MROH9: variants seen among roughly 807,000 people sequenced by gnomAD.
The protein encoded by MROH9 is maestro heat like repeat family member 9, also known as maestro heat-like repeat-containing protein family member 9.
MROH9 carries 92 observed loss-of-function variants against 98.2 expected under a neutral mutation model. The observed-to-expected ratio is 0.94, with a 90% confidence interval of 0.79 to 1.11. The LOEUF (loss-of-function observed/expected upper bound fraction) is 1.11, where lower values mean the gene tolerates loss of function less well. MROH9 is among the 50% of genes most tolerant of loss of function. The pLI is 0.00. For missense variants in MROH9, 1,057 were observed against 1,014.8 expected (o/e 1.04, Z -0.57); for synonymous variants, 397 against 368.9 (o/e 1.08, Z -0.87).
chr1:171,059,734 A>G lies in MROH9; in HGVS notation c.2282-2398A>G, dbSNP rs1477750534. Among the ~76,000 whole-genome samples, 4 of 152,206 alleles carry G rather than the reference A, an allele frequency of 2.6e-5. No individual in the cohort carries two copies. In the East Asian group the frequency reaches 5.8e-4, roughly 22 times the overall value. On this transcript the variant is annotated intron_variant, in intron 20 of 21. Transcript: ENST00000367759. ...ATGAGATCATGTCCTTTGCAGGGAC[A>G]TGGACGAAGATGGAAGCCATCATCC... is the stretch of plus-strand genomic sequence containing the variant.
chr1:170,960,319 A>C (rs1649971068), intron 5 of MROH9, among the ~76,000 whole-genome samples: 1 of 152,216 alleles, frequency 6.6e-6, no homozygotes, highest in Non-Finnish European at 1.5e-5. Context: ...GGATACCCAG[A>C]GATACTTTTA....
intron 1 of MROH9, among the ~76,000 whole-genome samples, chr1:170,936,628 G>A (rs115213781): frequency 3.9e-5 from 6 of 152,242 alleles, no homozygotes; most frequent in Admixed American, 2.0e-4. Flanking sequence ...GAGTTCCCAC[G>A]TTGAAAATTT....
At chr1:171,004,814 G>A (rs1257130587) in intron 15 of MROH9, among the ~76,000 whole-genome samples, 5 of 151,910 alleles carry the variant, frequency 3.3e-5, no homozygotes, top group African/African-American at 4.8e-5. Context: ...TGAGCACTCT[G>A]TTCTGTTCCA....
intron 20 of MROH9, among the ~76,000 whole-genome samples, chr1:171,026,921 A>G (rs1652732611): frequency 6.6e-6 from 1 of 152,166 alleles, no homozygotes; most frequent in African/African-American, 2.4e-5. Flanking sequence ...TTCGAAGTAC[A>G]AGGGGGAAAA....
rs1652675004 is a variant in MROH9, at chr1:171,025,403, C to T, written c.2264C>T (p.Ala755Val). ...AGCCCCAGAACATATCTTAAGAGGG[C>T]ATCGGTTATTTTGATAGGTAAATAT... ...LWSPRTYLKR[A>V]SVILIGYLAK... Residue 755 changes from alanine to valine, a missense_variant, in exon 20 of 22, where the codon GCA (alanine) becomes GTA (valine). Transcript: ENST00000367759. The T allele has an allele frequency of 6.5e-7, 1 of 1,545,806 alleles. No homozygotes were observed. Among genetic ancestry groups the T allele is most frequent in the East Asian group, 2.4e-5 (1 of 40,848 alleles).
intron 18 of MROH9, 49 bp from the exon 19 acceptor site, chr1:171,024,600 A>G (rs1349923827): frequency 5.2e-6 from 8 of 1,532,550 alleles, no homozygotes; most frequent in African/African-American, 1.4e-5. Flanking sequence ...GTAATGTTTT[A>G]TCTAACAACA....
chr1:171,041,928 G>GA (rs1232495022), intron 20 of MROH9, among the ~76,000 whole-genome samples: 2 of 151,954 alleles, frequency 1.3e-5, no homozygotes, highest in Non-Finnish European at 2.9e-5. Flanking sequence ...CATGCAATGT[G>GA]AAATAAGCAT....
chr1:170,937,902 G>A (rs1250708282), intron 1 of MROH9, among the ~76,000 whole-genome samples: 1 of 152,144 alleles, frequency 6.6e-6, no homozygotes, highest in African/African-American at 2.4e-5. Context: ...TCAGCTGCTT[G>A]TGGTTCTTTA....
intron 3 of MROH9, among the ~76,000 whole-genome samples, chr1:170,953,208 C>T (rs1242501574): frequency 6.6e-6 from 1 of 151,988 alleles, no homozygotes; most frequent in African/African-American, 2.4e-5. Context: ...AGACTTCATA[C>T]AGTATCTTTA....
Position 170,959,062 on chromosome 1 carries a change from C to A in MROH9, c.153-400C>A, listed in dbSNP as rs569789166. ...CTGTCATACAAAGCCAAAAGCTGAA[C>A]CTCATTTTTGCTTATCACTAAGAAA... On this transcript the variant is annotated intron_variant, in intron 4 of 21. Coordinates refer to ENST00000367759, the MANE Select transcript of MROH9 (RefSeq NM_001163629.2). Among the ~76,000 whole-genome samples, 9 of 152,168 alleles carry A rather than the reference C, an allele frequency of 5.9e-5. No individual in the cohort carries two copies. In the South Asian group the frequency reaches 1.2e-3, roughly 21 times the overall value.
chr1:171,017,335 G>A (rs1251712267), intron 17 of MROH9, among the ~76,000 whole-genome samples: 1 of 152,228 alleles, frequency 6.6e-6, no homozygotes, highest in Non-Finnish European at 1.5e-5. Context: ...CTACCTGACA[G>A]CCACACGGGC....
rs1205036228 is a variant in MROH9 at position 171,064,491 on chromosome 1, A to G, written c.*151A>G. The G allele has an allele frequency of 9.9e-6, 7 of 706,872 alleles. No homozygotes were observed. Among genetic ancestry groups the G allele is most frequent in the Admixed American group, 3.4e-5 (1 of 29,122 alleles). The allele number at this position is 706,872 out of a possible 1,614,324, so 43.8% of individuals were successfully genotyped here. A position where few individuals can be genotyped will look rare whatever the true frequency, so the allele number is the denominator to read the frequency against. On this transcript the variant is annotated 3_prime_UTR_variant, in exon 22 of 22. Coordinates refer to ENST00000367759, the MANE Select transcript of MROH9 (RefSeq NM_001163629.2). ...TTTCTGAAAAATTCTGGAAGCTTTT[A>G]CTGTTACTTCTTAATTCTCTATTCA...
chr1:170,969,515 C>T (rs750242410), intron 7 of MROH9, among the ~76,000 whole-genome samples: 1 of 151,792 alleles, frequency 6.6e-6, no homozygotes, highest in Non-Finnish European at 1.5e-5. Context: ...AGAATTGTGG[C>T]GAAGTGGAAG....
rs1299010037 is a variant in MROH9 at position 170,986,708 on chromosome 1, A to G, written c.877A>G (p.Met293Val). The change falls in exon 10 of 22, where the codon ATG becomes GTG. Residue 293 changes from methionine (M) to valine (V), a missense_variant and splice_region_variant. Physicochemically the swap from Met to Val is conservative, Grantham distance 21 (BLOSUM62 1). Transcript: ENST00000367759. ...GGAATTTCATGCCGAGAAGGTCACC[A>G]TGGTAAGATACTTGACAATAAGCAG... ...TLEFHAEKVT[M>V]VSKIVDAIYR... 1 of 1,613,466 alleles carries G rather than the reference A, an allele frequency of 6.2e-7. No individual in the cohort carries two copies. The highest frequency in any genetic ancestry group is 8.5e-7 in the Non-Finnish European group (1 of 1,179,642).
At chr1:171,034,364 G>T (rs1013217353) in intron 20 of MROH9, among the ~76,000 whole-genome samples, 2 of 152,080 alleles carry the variant, frequency 1.3e-5, no homozygotes, top group Non-Finnish European at 2.9e-5. Context: ...ATGAACTATT[G>T]CAAAAAGACA....
chr1:171,031,136 G>C (rs1265940044), intron 20 of MROH9, among the ~76,000 whole-genome samples: 1 of 151,970 alleles, frequency 6.6e-6, no homozygotes, highest in Non-Finnish European at 1.5e-5. Flanking sequence ...CTGTTTGCTT[G>C]GTAAATTTTC....
rs1311471169 is a variant in MROH9 at position 170,971,877 on chromosome 1, C to T, written c.610C>T (p.Gln204Ter). The change falls in exon 8 of 22, where the codon CAG (glutamine) becomes TAG (stop). Residue 204 changes from glutamine (Q) to a stop codon, truncating the protein, a stop_gained. Coordinates refer to ENST00000367759, the MANE Select transcript of MROH9 (RefSeq NM_001163629.2). LOFTEE classifies it high-confidence loss of function. ...TCACCTCCTCTACATTGCACGGTGT[C>T]AGAACGGTAAGAACAGTTCACCATC... ...MCHLLYIARCQNDIGTNKPTN... is the reference protein window; with the variant it reads ...MCHLLYIARC 1 of 1,613,914 alleles carries T rather than the reference C, an allele frequency of 6.2e-7. No individual in the cohort carries two copies. The highest frequency in any genetic ancestry group is 8.5e-7 in the Non-Finnish European group (1 of 1,179,872).
intron 3 of MROH9, among the ~76,000 whole-genome samples, chr1:170,952,243 T>C (rs1649579182): frequency 1.3e-5 from 2 of 151,972 alleles, no homozygotes; most frequent in South Asian, 4.2e-4. Flanking sequence ...AGCCATCCCA[T>C]TACTGGATGT....
At chr1:171,019,897 G>T (rs189935863) in intron 17 of MROH9, among the ~76,000 whole-genome samples, 1 of 152,092 alleles carries the variant, frequency 6.6e-6, no homozygotes, top group Non-Finnish European at 1.5e-5. Context: ...AAAAAAGAAT[G>T]AATTAAATAG....
Sources: gnomAD v4.1 joint callset for allele counts (sites outside exome capture counted in the v4.1 genomes callset) on GRCh38, gnomAD v4.1.1 for gene constraint, MANE v1.5 for transcripts, NCBI Gene and HGNC (gene_info 2026-07-23, HGNC 2026-07-21) for gene names.